Variants in MS4A4E observed in about 807,000 individuals in gnomAD.
The protein encoded by MS4A4E is membrane spanning 4-domains A4E, also known as putative membrane-spanning 4-domains subfamily A member 4E.
In MS4A4E, 23 loss-of-function variants were observed where a neutral mutation model predicts 13.3. That is an observed-to-expected ratio of 1.73 (90% confidence interval 1.25 to 2.45). The LOEUF (loss-of-function observed/expected upper bound fraction) is 2.45, where lower values mean the gene tolerates loss of function less well. Among genes scored for constraint, MS4A4E ranks in the 30% most tolerant of loss-of-function variants. The probability of loss-of-function intolerance (pLI) is 0.00; values close to 1 mark genes in which losing one functional copy is unlikely to be tolerated. For missense variants in MS4A4E, 144 were observed against 131.2 expected, an observed-to-expected ratio of 1.10 and a Z score of -0.48; for synonymous variants, 36 against 45.6, an observed-to-expected ratio of 0.79 and a Z score of 0.85.
intron 8 of MS4A4E, among the ~76,000 whole-genome samples, chr11:60,202,505 T>C (rs2083999907): frequency 6.6e-6 from 1 of 152,216 alleles, no homozygotes; most frequent in Non-Finnish European, 1.5e-5. Flanking sequence ...GTCTTTTTCT[T>C]GTTCCCTACT....
intron 3 of MS4A4E, among the ~76,000 whole-genome samples, chr11:60,219,880 T>C (rs1487295458): frequency 6.6e-6 from 1 of 152,208 alleles, no homozygotes; most frequent in African/African-American, 2.4e-5. Context: ...ATGTAATTAA[T>C]GGAGCTTTAG....
Position 60,230,088 on chromosome 11 carries a change from A to G in MS4A4E, c.-16-17T>C, listed in dbSNP as rs2084390073. On this transcript the variant is annotated splice_polypyrimidine_tract_variant and intron_variant, in intron 1 of 8. Transcript: ENST00000651255. ...GAAAAGGTGCTACAATAAGAAATGT[A>G]ATTTAGGATGAGGTCCTGGAAATGA... 6.4e-7 allele frequency: 1 copy of G among 1,564,006 alleles called. No homozygotes were observed. The highest frequency in any genetic ancestry group is 8.6e-7 in the Non-Finnish European group (1 of 1,159,954).
At chr11:60,217,840 C>A (rs1036848033) in intron 3 of MS4A4E, among the ~76,000 whole-genome samples, 3 of 152,150 alleles carry the variant, frequency 2.0e-5, no homozygotes, top group Non-Finnish European at 4.4e-5. Context: ...ATTGCATTAA[C>A]TGCACAAATT....
At chr11:60,216,932 A>G in intron 3 of MS4A4E, among the ~76,000 whole-genome samples, 1 of 152,176 alleles carries the variant, frequency 6.6e-6, no homozygotes, top group Non-Finnish European at 1.5e-5. Flanking sequence ...CTATCCTATT[A>G]GTTCTATCCC....
intron 3 of MS4A4E, among the ~76,000 whole-genome samples, chr11:60,221,661 T>G (rs975191200): frequency 6.6e-6 from 1 of 152,190 alleles, no homozygotes. Context: ...TGGCCAGATC[T>G]GCAATTATAT....
intron 1 of MS4A4E, among the ~76,000 whole-genome samples, chr11:60,231,954 C>A (rs2084415767): frequency 7.6e-6 from 1 of 131,250 alleles, no homozygotes; most frequent in Non-Finnish European, 1.7e-5. Context: ...AAAATGAAAT[C>A]ACAAAAATGA....
intron 3 of MS4A4E, among the ~76,000 whole-genome samples, chr11:60,217,470 T>TA (rs1323273054): frequency 1.3e-5 from 2 of 152,096 alleles, no homozygotes; most frequent in African/African-American, 4.8e-5. Flanking sequence ...ATCCCCTCCC[T>TA]AACCCACACT....
At chr11:60,236,645 T>C (rs2084486776) in intron 1 of MS4A4E, among the ~76,000 whole-genome samples, 1 of 152,098 alleles carries the variant, frequency 6.6e-6, no homozygotes, top group South Asian at 2.1e-4. Flanking sequence ...TAATTTAACT[T>C]TTATTTTAAC....
intron 3 of MS4A4E, among the ~76,000 whole-genome samples, chr11:60,216,520 G>C (rs1269524278): frequency 6.6e-6 from 1 of 151,762 alleles, no homozygotes; most frequent in Non-Finnish European, 1.5e-5. Flanking sequence ...GAAATAAAAA[G>C]TACACATAAA....
At chr11:60,205,488 T>C (rs2084027493) in intron 7 of MS4A4E, among the ~76,000 whole-genome samples, 1 of 152,220 alleles carries the variant, frequency 6.6e-6, no homozygotes, top group African/African-American at 2.4e-5. Context: ...ATTAAAGCTT[T>C]TGAGGCTCCA....
Position 60,230,991 on chromosome 11 carries a change from A to C in MS4A4E, c.-16-920T>G, listed in dbSNP as rs569137217. Among the ~76,000 whole-genome samples the C allele has an allele frequency of 2.7e-3, 410 of 152,310 alleles. 1 individual carries two copies. The highest frequency in any genetic ancestry group is 9.5e-3 in the African/African-American group (397 of 41,576). ...TTTTATTGGTAACATAAATGAAAAA[A>C]AAAGTTATTGTAGTCCAAATTTGCT... On this transcript the variant is annotated intron_variant, in intron 1 of 8. Coordinates refer to ENST00000651255, the MANE Select transcript of MS4A4E (RefSeq NM_001393391.1).
chr11:60,211,501 T>C (rs1360952988), intron 5 of MS4A4E, among the ~76,000 whole-genome samples: 1 of 152,004 alleles, frequency 6.6e-6, no homozygotes, highest in Non-Finnish European at 1.5e-5. Flanking sequence ...CACATACACA[T>C]GAGGGAAGGG....
At chr11:60,217,889 C>T (rs79040626) in intron 3 of MS4A4E, among the ~76,000 whole-genome samples, 1 of 152,042 alleles carries the variant, frequency 6.6e-6, no homozygotes, top group Non-Finnish European at 1.5e-5. Context: ...AATCTGGGCA[C>T]CTTGAAAAAA....
chr11:60,200,719 T>C lies in MS4A4E; in HGVS notation c.*824A>G, dbSNP rs953218877. On this transcript the variant is annotated 3_prime_UTR_variant, in exon 9 of 9. Coordinates refer to ENST00000651255, the MANE Select transcript of MS4A4E (RefSeq NM_001393391.1). The stretch of plus-strand genomic sequence containing the variant: ...CCACACAGACAAGGCAACCATCCGA[T>C]TTCTCAATCTTTTCCCCACCTTTCC... Among the ~76,000 whole-genome samples, 3 of 152,246 alleles carry C rather than the reference T, an allele frequency of 2.0e-5. No homozygotes were observed. Among genetic ancestry groups the C allele is most frequent in the Non-Finnish European group, 4.4e-5 (3 of 68,042 alleles).
intron 3 of MS4A4E, among the ~76,000 whole-genome samples, chr11:60,221,399 C>G (rs1565123652): frequency 1.3e-5 from 2 of 152,178 alleles, no homozygotes; most frequent in African/African-American, 4.8e-5. Flanking sequence ...TGCCACACTG[C>G]CTTCTCTCCC....
At chr11:60,214,479 AAAAC>A (rs1405632265) in intron 4 of MS4A4E, 88 bp downstream of exon 4, 5 of 936,050 alleles carry the variant, frequency 5.3e-6, no homozygotes, top group South Asian at 4.4e-5. Context: ...GACTTTTTTA[AAAAC>A]AAACAAACAA....
At chr11:60,206,688 A>C in intron 6 of MS4A4E, 1 of 231,844 alleles carries the variant, frequency 4.3e-6, no homozygotes, top group Admixed American at 4.1e-5. Context: ...AACTGTCTTA[A>C]GTGGTGTGGG....
chr11:60,214,012 C>T (rs1311249699), intron 4 of MS4A4E, among the ~76,000 whole-genome samples: 4 of 152,004 alleles, frequency 2.6e-5, no homozygotes, highest in Admixed American at 2.6e-4. Context: ...TCAAGCAATT[C>T]TCCTGCCTCA....
At chr11:60,227,323 G>A (rs1201346553) in intron 3 of MS4A4E, among the ~76,000 whole-genome samples, 5 of 152,042 alleles carry the variant, frequency 3.3e-5, no homozygotes, top group Non-Finnish European at 4.4e-5. Flanking sequence ...AGGCCGAAGC[G>A]GGCGGATCAC....
Sources: gnomAD v4.1 joint callset for allele counts (sites outside exome capture counted in the v4.1 genomes callset) on GRCh38, gnomAD v4.1.1 for gene constraint, MANE v1.5 for transcripts, NCBI Gene and HGNC (gene_info 2026-07-23, HGNC 2026-07-21) for gene names.